HDAC4: variants seen among roughly 807,000 people sequenced by gnomAD.
The protein encoded by HDAC4 is histone deacetylase 4.
Under a neutral mutation model 135.1 loss-of-function variants are expected in HDAC4, and 16 were observed. The ratio of observed to expected loss-of-function variants is 0.12; its 90% CI spans 0.08 to 0.18. The LOEUF is 0.18. HDAC4 is among the 10% of genes least tolerant of loss of function. HDAC4 has a pLI of 1.00. For synonymous variants in HDAC4, 685 were observed against 653.4 expected, an observed-to-expected ratio of 1.05 and a Z score of -0.74; for missense variants, 1,143 against 1,511.8, an observed-to-expected ratio of 0.76 and a Z score of 4.05.
At chr2:239,401,493 G>C (rs1163336414), upstream of HDAC4, 1 of 174,814 alleles carries the variant, frequency 5.7e-6, no homozygotes, top group East Asian at 1.9e-4. Context: ...CACGGGCCCC[G>C]GCCGTGTCCG....
intron 24 of HDAC4, among the ~76,000 whole-genome samples, chr2:239,062,730 T>C (rs1033891070): frequency 6.6e-5 from 10 of 152,202 alleles, no homozygotes; most frequent in Non-Finnish European, 1.0e-4. Context: ...CTTTGGACAT[T>C]TTAAACAGCA....
chr2:239,398,183 G>A (rs1298376425), intron 1 of HDAC4, among the ~76,000 whole-genome samples: 1 of 152,206 alleles, frequency 6.6e-6, no homozygotes, highest in African/African-American at 2.4e-5. Context: ...GCTCCTTCGC[G>A]CCCTACATCA....
intron 14 of HDAC4, among the ~76,000 whole-genome samples, chr2:239,109,396 C>T (rs57034255): frequency 0.012 from 1,814 of 152,286 alleles, 30 homozygotes; most frequent in African/African-American, 0.042. Context: ...GTTCCTATTA[C>T]TGGGAACACA....
intron 2 of HDAC4, among the ~76,000 whole-genome samples, chr2:239,277,185 A>G (rs140168495): frequency 8.8e-4 from 134 of 152,364 alleles, no homozygotes; most frequent in African/African-American, 3.1e-3. Flanking sequence ...AAGGATCAGT[A>G]AAAGAAGAAA....
At chr2:239,283,326 C>A (rs1166611745) in intron 2 of HDAC4, among the ~76,000 whole-genome samples, 1 of 152,240 alleles carries the variant, frequency 6.6e-6, no homozygotes, top group Non-Finnish European at 1.5e-5. Context: ...GAGGAAGGGG[C>A]TCCCGGCAGC....
At position 239,134,372 on chromosome 2, in the gene HDAC4, G is replaced by C. The variant is rs201601143; in HGVS notation, c.1167C>G (p.Pro389=). ...PALQQRLSLF[P]GTHLTPYLST... ...TCAGGTAGGGAGTGAGGTGGGTGCCGGGGAAAAGGGAGAGCCTCTGCTGGA... is the reference window on the plus strand; with the variant it reads ...TCAGGTAGGGAGTGAGGTGGGTGCCCGGGAAAAGGGAGAGCCTCTGCTGGA... The change falls in exon 11 of 27, where the codon CCC becomes CCG. Residue 389 remains proline, a synonymous_variant. Transcript: ENST00000543185. 1 of 1,613,878 alleles carries C rather than the reference G, an allele frequency of 6.2e-7. No individual in the cohort carries two copies.
At chr2:239,093,090 G>A (rs558233530) in intron 17 of HDAC4, among the ~76,000 whole-genome samples, 53 of 152,336 alleles carry the variant, frequency 3.5e-4, no homozygotes, top group South Asian at 1.5e-3. Flanking sequence ...GACTCCGCTG[G>A]GCGAGGCCGA....
At chr2:239,056,974 GAA>G (rs1231059028) in intron 24 of HDAC4, among the ~76,000 whole-genome samples, 1 of 152,086 alleles carries the variant, frequency 6.6e-6, no homozygotes. Flanking sequence ...GAAAGACTGA[GAA>G]AAAAGACACG....
chr2:239,073,665 G>A (rs2034430727), intron 22 of HDAC4, among the ~76,000 whole-genome samples: 1 of 152,244 alleles, frequency 6.6e-6, no homozygotes, highest in South Asian at 2.1e-4. Flanking sequence ...CACCTACTGG[G>A]ACCCCACCAC....
At chr2:239,170,148 G>A (rs925368700) in intron 5 of HDAC4, among the ~76,000 whole-genome samples, 6 of 152,214 alleles carry the variant, frequency 3.9e-5, no homozygotes, top group African/African-American at 1.4e-4. Context: ...TAGCTAAATA[G>A]AGGAATAAAC....
chr2:239,346,255 CACAG>C lies in HDAC4; in HGVS notation c.22+6419_22+6422del, dbSNP rs995294826. Among the ~76,000 whole-genome samples, 25 of 139,332 alleles carry C rather than the reference CACAG, an allele frequency of 1.8e-4. 1 individual carries two copies. The South Asian group carries it at 4.8e-3, about 27-fold the overall frequency. 91.4% of individuals were successfully genotyped at this position (139,332 alleles called of 152,430 possible). A position where few individuals can be genotyped will look rare whatever the true frequency, so the allele number is the denominator to read the frequency against. On this transcript the variant is annotated intron_variant, in intron 2 of 26. Transcript: ENST00000543185. ...TAAAACACACACCCATACTTTAATA[CACAG>C]ACACCCACACCCTAACACACATACC...
At chr2:239,346,186 TG>T (rs1227958490) in intron 2 of HDAC4, among the ~76,000 whole-genome samples, 1 of 137,386 alleles carries the variant, frequency 7.3e-6, no homozygotes, top group Non-Finnish European at 1.6e-5. Flanking sequence ...ACACACACCC[TG>T]TCTAAAACAC....
intron 2 of HDAC4, among the ~76,000 whole-genome samples, chr2:239,347,137 T>C (rs1174629438): frequency 8.4e-6 from 1 of 118,416 alleles, no homozygotes; most frequent in African/African-American, 2.7e-5. Context: ...TCCTGAGACA[T>C]TCAACCACTG....
chr2:239,256,135 A>C (rs1035877359), intron 2 of HDAC4, among the ~76,000 whole-genome samples: 5 of 152,246 alleles, frequency 3.3e-5, no homozygotes, highest in African/African-American at 1.2e-4. Flanking sequence ...AGTGTGTTCC[A>C]GCTGCGTTTC....
chr2:239,140,995 G>A (rs996879953), intron 8 of HDAC4: 1 of 395,690 alleles, frequency 2.5e-6, no homozygotes, highest in South Asian at 1.8e-5. Flanking sequence ...CAACCTGGCA[G>A]ACCTGATTCC....
chr2:239,311,005 G>A (rs959886933), intron 2 of HDAC4, among the ~76,000 whole-genome samples: 1 of 152,218 alleles, frequency 6.6e-6, no homozygotes, highest in East Asian at 1.9e-4. Context: ...TGCAGAGAGC[G>A]CCTTTTAAAC....
Position 239,053,744 on chromosome 2 carries a change from C to T in HDAC4, c.3089-143G>A, listed in dbSNP as rs370113625. 1.3e-4 allele frequency: 88 copies of T among 684,496 alleles called. No homozygotes were observed. In the South Asian group the frequency reaches 1.3e-3, roughly 10 times the overall value. The allele number at this position is 684,496 out of a possible 1,614,324, so 42.4% of individuals were successfully genotyped here. A position where few individuals can be genotyped will look rare whatever the true frequency, so the allele number is the denominator to read the frequency against. On this transcript the variant is annotated intron_variant, in intron 25 of 26. Transcript: ENST00000543185. ...AAAAGCACCCGTCTTTGAAGAGACA[C>T]GAAGCAGAAGACTGCATGGCTACAA...
intron 2 of HDAC4, among the ~76,000 whole-genome samples, chr2:239,280,474 A>G (rs2050641694): frequency 1.3e-5 from 2 of 152,208 alleles, no homozygotes; most frequent in South Asian, 4.1e-4. Flanking sequence ...TGGGCGAGCC[A>G]GGGGCACAGA....
chr2:239,055,545 T>C (rs13419112), intron 24 of HDAC4, among the ~76,000 whole-genome samples: 35,463 of 152,028 alleles, frequency 0.23, 4,322 homozygotes, highest in African/African-American at 0.26. Flanking sequence ...GGTGAAACTC[T>C]GTCTCTACTA....
Sources: allele counts gnomAD v4.1 joint callset (sites outside exome capture counted in the v4.1 genomes callset), GRCh38; gene constraint gnomAD v4.1.1; transcripts MANE v1.5; gene names NCBI Gene and HGNC (gene_info 2026-07-23, HGNC 2026-07-21).